The following CSF2RA variants were observed in gnomAD, a reference collection of about 807,000 sequenced individuals.
CSF2RA encodes the protein colony stimulating factor 2 receptor subunit alpha.
CSF2RA carries 42 observed loss-of-function variants against 51.6 expected under a neutral mutation model. The ratio of observed to expected loss-of-function variants is 0.81; its 90% CI spans 0.64 to 1.05. The LOEUF (loss-of-function observed/expected upper bound fraction) is 1.05, where lower values mean the gene tolerates loss of function less well. Ranked by LOEUF, CSF2RA falls within the 50% of genes least tolerant of loss-of-function variation. The pLI, the probability that CSF2RA is intolerant of heterozygous loss-of-function variation, is 0.00. For missense variants in CSF2RA, 530 were observed against 501.1 expected, an observed-to-expected ratio of 1.06 and a Z score of -0.55; for synonymous variants, 222 against 193.0, an observed-to-expected ratio of 1.15 and a Z score of -1.24.
chrX:1,293,488 G>A (rs756794908), intron 7 of CSF2RA, among the ~76,000 whole-genome samples: 1 of 147,444 alleles, frequency 6.8e-6, no homozygotes, highest in African/African-American at 2.5e-5. Context: ...CAAAGTGCTG[G>A]GATTACAGGC....
intron 11 of CSF2RA, 89 bp from the exon 12 acceptor site, chrX:1,305,357 C>A: frequency 1.4e-6 from 2 of 1,404,150 alleles, no homozygotes; most frequent in Non-Finnish European, 2.0e-6. Flanking sequence ...AGACACCCCG[C>A]ACGCAGCATC....
intron 12 of CSF2RA, among the ~76,000 whole-genome samples, chrX:1,308,262 T>A (rs1478087225): frequency 2.6e-5 from 4 of 151,702 alleles, no homozygotes; most frequent in African/African-American, 9.7e-5. Context: ...GTGCCGGGTA[T>A]CAGAGACGAA....
At chrX:1,306,375 G>A (rs1367837879) in intron 12 of CSF2RA, among the ~76,000 whole-genome samples, 6 of 151,906 alleles carry the variant, frequency 3.9e-5, no homozygotes, top group Admixed American at 3.3e-4. Context: ...GGCCGGTCGC[G>A]GTGACTCACA....
intron 2 of CSF2RA, chrX:1,282,370 A>T (rs2090161336): frequency 4.1e-6 from 2 of 490,176 alleles, no homozygotes; most frequent in South Asian, 5.2e-5. Context: ...AGTGTGTTAG[A>T]ACCTGCCTTT....
At chrX:1,270,673 A>G (rs1372288966) in intron 1 of CSF2RA, among the ~76,000 whole-genome samples, 1 of 151,754 alleles carries the variant, frequency 6.6e-6, no homozygotes, top group East Asian at 1.9e-4. Context: ...ATCTGTTCAC[A>G]TATCTTGCGT....
At chrX:1,316,244 TGATA>T in the CSF2RA span, among the ~76,000 whole-genome samples, 127 of 112,864 alleles carry the variant, frequency 1.1e-3, 1 homozygote, top group African/African-American at 4.2e-3. Flanking sequence ...AGATGACAGA[TGATA>T]GATTAGATAG....
At chrX:1,299,809 G>A (rs1293385513) in intron 9 of CSF2RA, among the ~76,000 whole-genome samples, 7 of 151,774 alleles carry the variant, frequency 4.6e-5, no homozygotes, top group South Asian at 2.1e-4. Context: ...TCCCAGCTAC[G>A]TGGGAGGCTG....
chrX:1,315,390 G>C, the CSF2RA span, among the ~76,000 whole-genome samples: 1 of 151,904 alleles, frequency 6.6e-6, no homozygotes, highest in East Asian at 1.9e-4. Flanking sequence ...ATAGATGATA[G>C]ATGAATTTTA....
At chrX:1,312,030 C>G (rs2084213280), downstream of CSF2RA, among the ~76,000 whole-genome samples, 1 of 152,078 alleles carries the variant, frequency 6.6e-6, no homozygotes, top group African/African-American at 2.4e-5. Context: ...GATCTCAGCT[C>G]GCTACAACCT....
chrX:1,307,345 CT>C (rs2083679656), intron 12 of CSF2RA, among the ~76,000 whole-genome samples: 1 of 151,744 alleles, frequency 6.6e-6, no homozygotes, highest in African/African-American at 2.4e-5. Context: ...GAGGCCCACC[CT>C]TCCCCCTTTA....
At chrX:1,284,375 A>ATAT (rs1556513358) in intron 3 of CSF2RA, among the ~76,000 whole-genome samples, 4 of 47,236 alleles carry the variant, frequency 8.5e-5, no homozygotes, top group African/African-American at 2.9e-4. Flanking sequence ...GCTAATTTAA[A>ATAT]TTTTTTTTTT....
At chrX:1,295,732 C>G (rs1433507152) in intron 9 of CSF2RA, among the ~76,000 whole-genome samples, 1 of 148,808 alleles carries the variant, frequency 6.7e-6, no homozygotes, top group Non-Finnish European at 1.5e-5. Flanking sequence ...AGACCCTGCC[C>G]CACCTCCACA....
At chrX:1,301,722 C>T (rs1425490761) in intron 10 of CSF2RA, among the ~76,000 whole-genome samples, 1 of 150,114 alleles carries the variant, frequency 6.7e-6, no homozygotes, top group Non-Finnish European at 1.5e-5. Context: ...TCAGCCTCCC[C>T]AGTAGCTGGG....
At chrX:1,277,703 G>A (rs1449973643) in intron 2 of CSF2RA, among the ~76,000 whole-genome samples, 7 of 151,044 alleles carry the variant, frequency 4.6e-5, no homozygotes, top group Non-Finnish European at 8.8e-5. Context: ...GAGGCCGGGC[G>A]CAGTGGCTCA....
At chrX:1,303,407 G>C (rs2083212413) in intron 10 of CSF2RA, 3 of 422,038 alleles carry the variant, frequency 7.1e-6, no homozygotes, top group Non-Finnish European at 1.3e-5. Context: ...GGCTAATTTT[G>C]TATTTTTTTT....
At chrX:1,320,836 T>G in the CSF2RA span, among the ~76,000 whole-genome samples, 44 of 147,682 alleles carry the variant, frequency 3.0e-4, no homozygotes, top group African/African-American at 6.1e-4. Context: ...ATGATCTCTG[T>G]TTTTTTTTGT....
chrX:1,302,241 C>A (rs1335923139), intron 10 of CSF2RA, among the ~76,000 whole-genome samples: 3 of 152,108 alleles, frequency 2.0e-5, no homozygotes, highest in Admixed American at 6.6e-5. Context: ...AAAGCCAGGT[C>A]TCGGCTGCCC....
chrX:1,301,211 A>G (rs2092345803), intron 10 of CSF2RA, among the ~76,000 whole-genome samples: 1 of 149,904 alleles, frequency 6.7e-6, no homozygotes, highest in African/African-American at 2.5e-5. Flanking sequence ...CATTCCTGTA[A>G]TCCCAGCTAC....
chrX:1,315,029 A>ACCTGCCCAACCCCACTGCGCCTGC (rs2084514504), downstream of CSF2RA, among the ~76,000 whole-genome samples: 1 of 151,504 alleles, frequency 6.6e-6, no homozygotes, highest in Admixed American at 6.6e-5. Flanking sequence ...ACCACACTGC[A>ACCTGCCCAACCCCACTGCGCCTGC]CCAAAGGAAG....
Sources: allele counts gnomAD v4.1 joint callset (sites outside exome capture counted in the v4.1 genomes callset), GRCh38; gene constraint gnomAD v4.1.1; transcripts MANE v1.5; gene names NCBI Gene and HGNC (gene_info 2026-07-23, HGNC 2026-07-21).